Variants in PRDM14 observed in about 807,000 individuals in gnomAD.
PRDM14 encodes PR domain zinc finger protein 14.
PRDM14 carries 16 observed loss-of-function variants against 48.0 expected under a neutral mutation model. That is an observed-to-expected ratio of 0.33 (90% CI 0.23 to 0.51). PRDM14 has a LOEUF of 0.51. Ranked by LOEUF, PRDM14 falls within the 20% of genes least tolerant of loss-of-function variation. The pLI, the probability that PRDM14 is intolerant of heterozygous loss-of-function variation, is 0.97. For missense variants in PRDM14, 566 were observed against 719.6 expected (o/e 0.79, Z 2.44); for synonymous variants, 264 against 276.6 (o/e 0.95, Z 0.45).
Position 70,058,659 on chromosome 8 carries a change from TCATGAA to T in PRDM14, c.1361_1366del (p.Val454_His455del). The T allele has an allele frequency of 6.2e-7, 1 of 1,613,900 alleles. No individual in the cohort carries two copies. The highest frequency in any genetic ancestry group is 8.5e-7 in the Non-Finnish European group (1 of 1,179,912). On this transcript the variant is annotated inframe_deletion, in exon 6 of 8. Coordinates refer to ENST00000276594, the MANE Select transcript of PRDM14 (RefSeq NM_024504.4). Reference sequence around the variant, plus strand: ...ACTCACCTTGTGAGGCCGGTGCTTCTCATGAACATGAAGAATGTGGATCCGAAGCCG... The same window carrying T: ...ACTCACCTTGTGAGGCCGGTGCTTCTCATGAAGAATGTGGATCCGAAGCCG...
At chr8:70,057,624 G>A (rs934312263) in intron 6 of PRDM14, among the ~76,000 whole-genome samples, 5 of 152,268 alleles carry the variant, frequency 3.3e-5, no homozygotes, top group African/African-American at 4.8e-5. Flanking sequence ...GAGCCACTGC[G>A]CCTGGCCAGT....
At position 70,068,245 on chromosome 8, in the gene PRDM14, AT is replaced by A. The variant is rs1805703908; in HGVS notation, c.896del (p.Asn299IlefsTer3). The A allele has an allele frequency of 6.2e-7, 1 of 1,614,052 alleles. No homozygotes were observed. Among genetic ancestry groups the A allele is most frequent in the African/African-American group, 1.3e-5 (1 of 74,918 alleles). On this transcript the variant is annotated frameshift_variant, in exon 4 of 8. Coordinates refer to ENST00000276594, the MANE Select transcript of PRDM14 (RefSeq NM_024504.4). LOFTEE classifies it high-confidence loss of function. ...NASEVKTYGD[N>X]SVMWEIFEDG... is the part of the protein sequence containing the mutation. ...ACAGATTTACCTCCCACATCACAGA[AT>A]TGTCTCCGTAGGTCTTCACTTCACT...
chr8:70,055,451 G>A (rs1300070593), intron 6 of PRDM14, 50 bp from the exon 7 acceptor site: 3 of 1,057,572 alleles, frequency 2.8e-6, no homozygotes, highest in Non-Finnish European at 4.4e-6. Context: ...CCTCTAACAA[G>A]TCCATTTCAA....
At chr8:70,060,943 T>G (rs960543082) in intron 5 of PRDM14, among the ~76,000 whole-genome samples, 13 of 152,200 alleles carry the variant, frequency 8.5e-5, no homozygotes, top group African/African-American at 3.1e-4. Flanking sequence ...TCTTTATGTA[T>G]AGAGTAAGGT....
In PRDM14 at chr8:70,058,643, G is replaced by A. The variant is rs777912395; in HGVS notation, c.1383C>T (p.His461=). ...ILHVHEKHRP[H]KCSTCGKCFS... ...CATGTGTCCTCCTAATACTCACCTT[G>A]TGAGGCCGGTGCTTCTCATGAACAT... The change falls in exon 6 of 8, where the codon CAC becomes CAT. Residue 461 remains histidine, a synonymous_variant. Transcript: ENST00000276594. 3 of 1,613,290 alleles carry A rather than the reference G, an allele frequency of 1.9e-6. No homozygotes were observed. In the South Asian group the frequency reaches 3.3e-5, roughly 18 times the overall value.
intron 4 of PRDM14, among the ~76,000 whole-genome samples, chr8:70,067,008 G>A (rs960680537): frequency 2.0e-5 from 3 of 152,164 alleles, no homozygotes; most frequent in Admixed American, 1.3e-4. Flanking sequence ...AGAATTACAG[G>A]TGTAAGCCAC....
chr8:70,063,228 G>A (rs1805614604), intron 5 of PRDM14, among the ~76,000 whole-genome samples: 1 of 152,064 alleles, frequency 6.6e-6, no homozygotes, highest in Non-Finnish European at 1.5e-5. Context: ...GAGTCCAGGA[G>A]TTCAAGACCA....
At chr8:70,070,573 G>C (rs1805750023) in intron 1 of PRDM14, among the ~76,000 whole-genome samples, 2 of 152,190 alleles carry the variant, frequency 1.3e-5, no homozygotes, top group South Asian at 4.1e-4. Flanking sequence ...ACTTTTGGCT[G>C]CCCTAGGATG....
chr8:70,064,924 T>C (rs1204440930), intron 5 of PRDM14, among the ~76,000 whole-genome samples: 1 of 151,524 alleles, frequency 6.6e-6, no homozygotes, highest in Non-Finnish European at 1.5e-5. Context: ...TCTTACTCTG[T>C]TGCCCAGGCT....
chr8:70,060,180 C>T (rs1428636356), intron 5 of PRDM14, among the ~76,000 whole-genome samples: 1 of 151,354 alleles, frequency 6.6e-6, no homozygotes, highest in African/African-American at 2.4e-5. Context: ...GTGGACAGAT[C>T]GCTTGAGCCC....
Position 70,058,647 on chromosome 8 carries a change from G to A in PRDM14, c.1379C>T (p.Pro460Leu). ...HILHVHEKHRPHKCSTCGKCF... is the reference protein window; with the variant it reads ...HILHVHEKHRLHKCSTCGKCF... The stretch of plus-strand genomic sequence containing the variant: ...TGTCCTCCTAATACTCACCTTGTGA[G>A]GCCGGTGCTTCTCATGAACATGAAG... The change falls in exon 6 of 8, where the codon CCT becomes CTT. Residue 460 changes from proline to leucine, a missense_variant. Physicochemically the swap from Pro to Leu is moderately conservative, Grantham distance 98. Transcript: ENST00000276594. The A allele has an allele frequency of 6.2e-7, 1 of 1,613,466 alleles. No individual in the cohort carries two copies. Among genetic ancestry groups the A allele is most frequent in the Non-Finnish European group, 8.5e-7 (1 of 1,179,778 alleles).
At chr8:70,066,056 T>C (rs2131041764) in intron 5 of PRDM14, among the ~76,000 whole-genome samples, 179 bp downstream of exon 5, 1 of 152,306 alleles carries the variant, frequency 6.6e-6, no homozygotes, top group East Asian at 1.9e-4. Flanking sequence ...TTCCGCAGCT[T>C]TGGGAAATTG....
chr8:70,070,882 C>G (rs1425652394), intron 1 of PRDM14, among the ~76,000 whole-genome samples: 3 of 152,294 alleles, frequency 2.0e-5, no homozygotes, highest in Middle Eastern at 6.8e-3. Flanking sequence ...GAAAACCAAG[C>G]AGGGTCATGA....
chr8:70,058,905 ATATTTATT>A, intron 5 of PRDM14, 63 bp from the exon 6 acceptor site: 2 of 1,271,558 alleles, frequency 1.6e-6, no homozygotes, highest in Admixed American at 2.2e-5. Context: ...CTTCAAGAGG[ATATTTATT>A]TATTTATTTA....
In PRDM14 at chr8:70,066,237, TCAGAGGGCC is replaced by T. The variant is rs1204523488; in HGVS notation, c.1172_1180del (p.Gly391_Ser393del). ...GCAAGGCGAGGGTGTGCACTCACCT[TCAGAGGGCC>T]CAGATGGCTGCTTCCCCGGCTCTGT... On this transcript the variant is annotated inframe_deletion, in exon 5 of 8. Transcript: ENST00000276594. 2.5e-6 allele frequency: 4 copies of T among 1,612,974 alleles called. No homozygotes were observed. The African/African-American group carries it at 5.3e-5, about 22-fold the overall frequency.
chr8:70,063,644 T>C (rs1050300901), intron 5 of PRDM14, among the ~76,000 whole-genome samples: 1 of 151,648 alleles, frequency 6.6e-6, no homozygotes, highest in Non-Finnish European at 1.5e-5. Context: ...TGTCTCAGCC[T>C]CCTGAGTAGC....
In PRDM14 at chr8:70,069,603, C is replaced by A; in HGVS notation, c.258G>T (p.Arg86Ser). The A allele has an allele frequency of 1.9e-6, 3 of 1,587,520 alleles. No homozygotes were observed. Among genetic ancestry groups the A allele is most frequent in the Non-Finnish European group, 2.6e-6 (3 of 1,167,436 alleles). Residue 86 changes from arginine (R) to serine (S), a missense_variant, in exon 2 of 8, where the codon AGG becomes AGT. Arg to Ser is a moderately radical substitution (Grantham distance 110). Coordinates refer to ENST00000276594, the MANE Select transcript of PRDM14 (RefSeq NM_024504.4). Reference sequence around the variant, plus strand: ...ACCAGGGCAGATCGTAGAGAGGCTCCCTCTGTAGGCCCAGACCCGGGCTCA... The same window carrying A: ...ACCAGGGCAGATCGTAGAGAGGCTCACTCTGTAGGCCCAGACCCGGGCTCA... ...PLLSPGLGLQ[R>S]EPLYDLPWYS...
chr8:70,053,084 C>A, intron 7 of PRDM14, among the ~76,000 whole-genome samples: 1 of 119,416 alleles, frequency 8.4e-6, no homozygotes. Context: ...GGTAACAGAG[C>A]AAGACCCTCT....
Position 70,069,801 on chromosome 8 carries a change from C to T in PRDM14, c.60G>A (p.Glu20=). 1.2e-6 allele frequency: 2 copies of T among 1,610,008 alleles called. No homozygotes were observed. Among genetic ancestry groups the T allele is most frequent in the Non-Finnish European group, 1.7e-6 (2 of 1,178,722 alleles). The change falls in exon 2 of 8, where the codon GAG becomes GAA. Residue 20 remains glutamate, a synonymous_variant. Coordinates refer to ENST00000276594, the MANE Select transcript of PRDM14 (RefSeq NM_024504.4). The part of the protein sequence containing the change: ...VPQDKVCYPP[E]SSPQNLAAYY... ...ACGCGGCCAGGTTCTGCGGGCTGCT[C>T]TCCGGCGGGTAGCACACCTTGTCCT...
Sources: gnomAD v4.1 joint callset for allele counts (sites outside exome capture counted in the v4.1 genomes callset) on GRCh38, gnomAD v4.1.1 for gene constraint, MANE v1.5 for transcripts, NCBI Gene and HGNC (gene_info 2026-07-23, HGNC 2026-07-21) for gene names.